The following CLIP1 variants were observed in gnomAD, a reference collection of about 807,000 sequenced individuals.
The protein encoded by CLIP1 is CAP-Gly domain-containing linker protein 1.
CLIP1 carries 66 observed loss-of-function variants against 161.6 expected under a neutral mutation model. The ratio of observed to expected loss-of-function variants is 0.41; its 90% CI spans 0.33 to 0.50. The LOEUF (loss-of-function observed/expected upper bound fraction) is 0.50, where lower values mean the gene tolerates loss of function less well. Ranked by LOEUF, CLIP1 falls within the 20% of genes least tolerant of loss-of-function variation. The pLI, the probability that CLIP1 is intolerant of heterozygous loss-of-function variation, is 0.27. For missense variants in CLIP1, 1,376 were observed against 1,702.0 expected, an observed-to-expected ratio of 0.81 and a Z score of 3.37; for synonymous variants, 598 against 626.2, an observed-to-expected ratio of 0.96 and a Z score of 0.67.
In CLIP1 at chr12:122,377,838, T is replaced by C; in HGVS notation, c.208A>G (p.Lys70Glu). 6.2e-7 allele frequency: 1 copy of C among 1,614,014 alleles called. No individual in the cohort carries two copies. Among genetic ancestry groups the C allele is most frequent in the Non-Finnish European group, 8.5e-7 (1 of 1,180,006 alleles). ...VGERVWVNGN[K>E]PGFIQFLGET... ...CCAAGAAACTGGATAAATCCAGGCT[T>C]ATTTCCATTCACCCAAACTCGCTCC... Residue 70 changes from lysine (K) to glutamate (E), a missense_variant, in exon 3 of 26, where the codon AAG becomes GAG. By Grantham distance (56) the Lys-to-Glu change is moderately conservative. This residue lies in a region of CLIP1 where 27 missense variants were observed against 64.1 expected (regional missense o/e 0.42). Transcript: ENST00000620786.
intron 1 of CLIP1, among the ~76,000 whole-genome samples, chr12:122,398,030 G>T (rs1273249976): frequency 6.6e-6 from 1 of 152,016 alleles, no homozygotes; most frequent in Non-Finnish European, 1.5e-5. Context: ...ATGGTATAGT[G>T]GCAAGCTTAT....
At chr12:122,395,379 G>T (rs942674711) in intron 1 of CLIP1, 1 of 152,126 alleles carries the variant, frequency 6.6e-6, no homozygotes, top group Admixed American at 6.6e-5. Flanking sequence ...TCTAGAATAT[G>T]AAAATAGTAC....
At chr12:122,405,226 T>C (rs898063058) in intron 1 of CLIP1, among the ~76,000 whole-genome samples, 5 of 149,866 alleles carry the variant, frequency 3.3e-5, no homozygotes, top group Admixed American at 3.3e-4. Flanking sequence ...CTGTCACTGC[T>C]GCATGGCTCC....
intron 1 of CLIP1, among the ~76,000 whole-genome samples, chr12:122,389,539 ACT>A (rs1955490742): frequency 6.6e-6 from 1 of 152,082 alleles, no homozygotes; most frequent in African/African-American, 2.4e-5. Context: ...CCGGCGGATC[ACT>A]TGAGGTTAGG....
At chr12:122,416,896 A>G (rs954106340) in intron 1 of CLIP1, among the ~76,000 whole-genome samples, 3 of 150,488 alleles carry the variant, frequency 2.0e-5, no homozygotes, top group African/African-American at 7.3e-5. Flanking sequence ...GCGACACTCC[A>G]TCTCAAAAAA....
At position 122,328,265 on chromosome 12, in the gene CLIP1, T is replaced by C. The variant is rs2136236449; in HGVS notation, c.3029A>G (p.Asp1010Gly). The C allele has an allele frequency of 6.2e-7, 1 of 1,614,088 alleles. No individual in the cohort carries two copies. The highest frequency in any genetic ancestry group is 2.2e-5 in the East Asian group (1 of 44,880). ...GCCCACTGAGTATCTCCTTACCAGG[T>C]CCGACAATTTCCTCTCCAATTCTTT... ...EKKELERKLS[D>G]LEKKMETSHN... Residue 1010 changes from aspartate (D) to glycine (G), a missense_variant, in exon 16 of 26, where the codon GAC (aspartate) becomes GGC (glycine). Transcript: ENST00000620786.
chr12:122,276,148 C>T (rs1166666981), intron 24 of CLIP1, among the ~76,000 whole-genome samples: 1 of 151,988 alleles, frequency 6.6e-6, no homozygotes, highest in Non-Finnish European at 1.5e-5. Flanking sequence ...AAATATTTTA[C>T]TTTTTAAAGA....
intron 3 of CLIP1, among the ~76,000 whole-genome samples, chr12:122,373,328 C>T (rs1954547476): frequency 6.6e-6 from 1 of 151,668 alleles, no homozygotes; most frequent in African/African-American, 2.4e-5. Context: ...GAGGCTGAGG[C>T]ACGAGAATCG....
chr12:122,381,269 C>G (rs1426272167), intron 1 of CLIP1, among the ~76,000 whole-genome samples: 1 of 152,030 alleles, frequency 6.6e-6, no homozygotes, highest in Non-Finnish European at 1.5e-5. Flanking sequence ...CCTGTATTAG[C>G]TATATTTTTT....
In CLIP1 at chr12:122,360,970, G is replaced by A. The variant is rs765722392; in HGVS notation, c.994C>T (p.Arg332Trp). 7.4e-6 allele frequency: 12 copies of A among 1,612,480 alleles called. No individual in the cohort carries two copies. Among genetic ancestry groups the A allele is most frequent in the South Asian group, 6.6e-5 (6 of 91,012 alleles). ...VASSVSSRPS[R>W]TGLLTETSSR... ...GAAAGGGGCCTTACTAGTCCTGTCC[G>A]ACTGGGCCTGCTGCTCACAGAGGAG... is the stretch of plus-strand genomic sequence containing the variant. The change falls in exon 5 of 26, where the codon CGG (arginine) becomes TGG (tryptophan). Residue 332 changes from arginine to tryptophan, a missense_variant. By Grantham distance (101) the Arg-to-Trp change is moderately radical. Around this residue, in one of 6 missense-constraint regions of CLIP1, gnomAD observed 211 missense variants for 295.1 expected, o/e 0.72. Coordinates refer to ENST00000620786, the MANE Select transcript of CLIP1 (RefSeq NM_001247997.2).
In CLIP1 at chr12:122,380,317, C is replaced by T. The variant is rs564631068; in HGVS notation, c.85+51G>A. The T allele has an allele frequency of 1.0e-4, 110 of 1,099,440 alleles. 2 individuals carry two copies. The Middle Eastern group carries it at 1.0e-3, about 10-fold the overall frequency. 68.1% of individuals were successfully genotyped at this position (1,099,440 alleles called of 1,614,324 possible). On this transcript the variant is annotated intron_variant, in intron 2 of 25. Coordinates refer to ENST00000620786, the MANE Select transcript of CLIP1 (RefSeq NM_001247997.2). ...AAAATAATGTTTTAAAATTAAAAAG[C>T]AAATTGAAGTCTCCATATAGGATAA...
Position 122,328,342 on chromosome 12 carries a change from G to A in CLIP1, c.2952C>T (p.Val984=), listed in dbSNP as rs1397497518. Residue 984 remains valine (V), a synonymous_variant, in exon 16 of 26, where the codon GTC becomes GTT. Transcript: ENST00000620786. ...CTTCTTGCTGGCTCTGTTCAGCTTT[G>A]ACAGTCATGTCCTCAATACTTTTTT... ...FLQKSIEDMT[V]KAEQSQQEAA... is the part of the protein sequence containing the mutation. The A allele has an allele frequency of 6.2e-7, 1 of 1,613,888 alleles. No homozygotes were observed. Among genetic ancestry groups the A allele is most frequent in the Non-Finnish European group, 8.5e-7 (1 of 1,179,982 alleles).
chr12:122,389,222 T>C (rs1955472520), intron 1 of CLIP1, among the ~76,000 whole-genome samples: 1 of 152,220 alleles, frequency 6.6e-6, no homozygotes. Flanking sequence ...TGGCCATGTG[T>C]GTAGCTCACA....
chr12:122,354,051 G>T (rs1054140835), intron 7 of CLIP1, among the ~76,000 whole-genome samples: 4 of 152,050 alleles, frequency 2.6e-5, no homozygotes, highest in Non-Finnish European at 5.9e-5. Flanking sequence ...GGTTCTAAGG[G>T]TTGATACCAA....
At position 122,327,905 on chromosome 12, in the gene CLIP1, C is replaced by A. The variant is rs761769842; in HGVS notation, c.3249+42G>T. ...ACCCTTCCTGCCTCGACACAGAGCT[C>A]AGGCAAGCTACAACACAAGGAAATT... On this transcript the variant is annotated intron_variant, in intron 17 of 25. Transcript: ENST00000620786. The A allele has an allele frequency of 1.0e-5, 16 of 1,587,064 alleles. 2 individuals carry two copies. In the South Asian group the frequency reaches 1.8e-4, roughly 18 times the overall value.
intron 5 of CLIP1, among the ~76,000 whole-genome samples, chr12:122,356,828 C>T (rs982768473): frequency 2.6e-5 from 4 of 152,188 alleles, no homozygotes; most frequent in Non-Finnish European, 5.9e-5. Flanking sequence ...TTGGTGGAGA[C>T]GGGGTTTCGC....
rs71082981 is a variant in CLIP1 at position 122,393,912 on chromosome 12, C to CAAAAAAAAAAAAAAAAA, written c.-106-13371_-106-13355dup. On this transcript the variant is annotated intron_variant, in intron 1 of 25. Coordinates refer to ENST00000620786, the MANE Select transcript of CLIP1 (RefSeq NM_001247997.2). ...GGGTGACAGAGTGAGATTCTGTCTC[C>CAAAAAAAAAAAAAAAAA]AAAAAAAAAAAAAAAAAAGATTCTA... Among the ~76,000 whole-genome samples, 25 of 63,194 alleles carry CAAAAAAAAAAAAAAAAA rather than the reference C, an allele frequency of 4.0e-4. 1 individual carries two copies. The highest frequency in any genetic ancestry group is 1.0e-3 in the African/African-American group (22 of 21,660). The allele number at this position is 63,194 out of a possible 152,430, so 41.5% of individuals were successfully genotyped here. A position where few individuals can be genotyped will look rare whatever the true frequency, so the allele number is the denominator to read the frequency against.
At chr12:122,288,620 C>A in intron 20 of CLIP1, 79 bp from the exon 21 acceptor site, 1 of 1,227,442 alleles carries the variant, frequency 8.1e-7, no homozygotes, top group East Asian at 2.4e-5. Context: ...TGTACATCCC[C>A]CAGGCTCCAG....
At chr12:122,319,740 T>C (rs1257776376) in intron 17 of CLIP1, among the ~76,000 whole-genome samples, 1 of 152,224 alleles carries the variant, frequency 6.6e-6, no homozygotes, top group African/African-American at 2.4e-5. Context: ...TATTTATTAT[T>C]ATAAGTTTAA....
Sources: allele counts gnomAD v4.1 joint callset (sites outside exome capture counted in the v4.1 genomes callset), GRCh38; gene constraint gnomAD v4.1.1; regional missense constraint gnomAD v4.1.1; transcripts MANE v1.5; gene names NCBI Gene and HGNC (gene_info 2026-07-23, HGNC 2026-07-21).